Variants in CAMK4 observed in about 807,000 individuals in gnomAD.
CAMK4 encodes calcium/calmodulin-dependent protein kinase type IV.
Under a neutral mutation model 44.9 loss-of-function variants are expected in CAMK4, and 22 were observed. The ratio of observed to expected loss-of-function variants is 0.49; its 90% CI spans 0.35 to 0.70. CAMK4 has a LOEUF of 0.70. Ranked by LOEUF, CAMK4 falls within the 30% of genes least tolerant of loss-of-function variation. CAMK4 has a pLI of 0.01. For missense variants in CAMK4, 498 were observed against 586.8 expected, an observed-to-expected ratio of 0.85 and a Z score of 1.56; for synonymous variants, 218 against 215.4, an observed-to-expected ratio of 1.01 and a Z score of -0.11.
At chr5:111,430,381 C>G (rs1200580158) in intron 5 of CAMK4, among the ~76,000 whole-genome samples, 1 of 152,182 alleles carries the variant, frequency 6.6e-6, no homozygotes, top group African/African-American at 2.4e-5. Context: ...AAACTGACAG[C>G]CTTTTCTCTA....
At chr5:111,293,847 T>C (rs1051543925) in intron 1 of CAMK4, among the ~76,000 whole-genome samples, 129 of 148,096 alleles carry the variant, frequency 8.7e-4, no homozygotes, top group Admixed American at 3.7e-3. Flanking sequence ...CCCGGGTTCA[T>C]GCCATTCTCC....
At position 111,341,223 on chromosome 5, in the gene CAMK4, G is replaced by C. The variant is rs141600378; in HGVS notation, c.162-2801G>C. Among the ~76,000 whole-genome samples the C allele has an allele frequency of 1.9e-3, 280 of 151,172 alleles. 2 individuals carry two copies. The highest frequency in any genetic ancestry group is 6.1e-3 in the African/African-American group (253 of 41,392). ...TAAGTGAAGTTCAGTTTATTTACTTGTTCTTTCATTTATTGTATTTTTGAT... is the reference window on the plus strand; with the variant it reads ...TAAGTGAAGTTCAGTTTATTTACTTCTTCTTTCATTTATTGTATTTTTGAT... On this transcript the variant is annotated intron_variant, in intron 1 of 10. Coordinates refer to ENST00000282356, the MANE Select transcript of CAMK4 (RefSeq NM_001744.6).
intron 5 of CAMK4, among the ~76,000 whole-genome samples, chr5:111,402,452 A>T (rs1752262565): frequency 1.3e-5 from 2 of 152,364 alleles, no homozygotes; most frequent in Non-Finnish European, 2.9e-5. Flanking sequence ...ACAAAAATAA[A>T]TTACTGTCTG....
In CAMK4 at chr5:111,428,286, A is replaced by G. The variant is rs577484230; in HGVS notation, c.460-18400A>G. ...CAGCTACAAATAAGTCCACACGGTG[A>G]CAACTACAATAAATACCCAATCCTT... is the stretch of plus-strand genomic sequence containing the variant. On this transcript the variant is annotated intron_variant, in intron 5 of 10. Transcript: ENST00000282356. 3.8e-4 allele frequency among the ~76,000 whole-genome samples: 58 copies of G among 152,364 alleles called. 1 individual carries two copies. The highest frequency in any genetic ancestry group is 1.4e-3 in the African/African-American group (57 of 41,594).
At chr5:111,396,260 A>G (rs1212951740) in intron 5 of CAMK4, among the ~76,000 whole-genome samples, 1 of 152,114 alleles carries the variant, frequency 6.6e-6, no homozygotes, top group African/African-American at 2.4e-5. Flanking sequence ...AAGTGTTTTG[A>G]TCTTTTTGCT....
chr5:111,451,987 T>C (rs1210084705), intron 7 of CAMK4, among the ~76,000 whole-genome samples: 2 of 152,258 alleles, frequency 1.3e-5, no homozygotes, highest in African/African-American at 4.8e-5. Flanking sequence ...GTGCATTCTC[T>C]TGTACTCTTC....
chr5:111,476,265 G>GTA (rs370347370), intron 8 of CAMK4, among the ~76,000 whole-genome samples: 3,622 of 116,278 alleles, frequency 0.031, 146 homozygotes, highest in African/African-American at 0.12. Flanking sequence ...GTGTGTGTGT[G>GTA]TGTGTTTGTG....
chr5:111,328,987 C>T (rs1749030392), intron 1 of CAMK4, among the ~76,000 whole-genome samples: 1 of 151,838 alleles, frequency 6.6e-6, no homozygotes. Context: ...CAATAAAATA[C>T]TGCAAACCGA....
chr5:111,469,394 T>G (rs1254763791), intron 7 of CAMK4, among the ~76,000 whole-genome samples: 1 of 152,018 alleles, frequency 6.6e-6, no homozygotes, highest in Non-Finnish European at 1.5e-5. Flanking sequence ...TTTAACTTTT[T>G]ACATGGCAAG....
At chr5:111,265,565 G>C (rs1181387875) in intron 1 of CAMK4, among the ~76,000 whole-genome samples, 1 of 152,046 alleles carries the variant, frequency 6.6e-6, no homozygotes, top group African/African-American at 2.4e-5. Context: ...ACTTTATTAA[G>C]GCTTTATCCA....
At chr5:111,250,378 G>C (rs1381820046) in intron 1 of CAMK4, among the ~76,000 whole-genome samples, 1 of 152,146 alleles carries the variant, frequency 6.6e-6, no homozygotes, top group Non-Finnish European at 1.5e-5. Flanking sequence ...ATTCTCTACT[G>C]ACTCTTCTTA....
chr5:111,363,834 T>C (rs1750689756), intron 2 of CAMK4, among the ~76,000 whole-genome samples: 1 of 152,118 alleles, frequency 6.6e-6, no homozygotes, highest in Non-Finnish European at 1.5e-5. Context: ...AAAGAGTTTA[T>C]ACTTACTCTA....
Position 111,363,695 on chromosome 5 carries a change from C to T in CAMK4, c.241-11155C>T, listed in dbSNP as rs79054553. 4.3e-4 allele frequency among the ~76,000 whole-genome samples: 64 copies of T among 148,982 alleles called. 1 individual carries two copies. In the East Asian group the frequency reaches 9.3e-3, roughly 22 times the overall value. ...TCAATGAACCAAGTGAAAAAAGAGG[C>T]CTGATGGAAGAGGGAACAGCAAATG... is the stretch of plus-strand genomic sequence containing the variant. On this transcript the variant is annotated intron_variant, in intron 2 of 10. Transcript: ENST00000282356.
At chr5:111,225,542 G>T (rs1580447238) in intron 1 of CAMK4, among the ~76,000 whole-genome samples, 1 of 152,088 alleles carries the variant, frequency 6.6e-6, no homozygotes, top group Admixed American at 6.5e-5. Flanking sequence ...AGGCTCTTTA[G>T]TATAGGGAAT....
chr5:111,412,073 G>A (rs1752651372), intron 5 of CAMK4, among the ~76,000 whole-genome samples: 1 of 152,018 alleles, frequency 6.6e-6, no homozygotes, highest in African/African-American at 2.4e-5. Flanking sequence ...AAAGGTTACA[G>A]AAACCAAATT....
At chr5:111,366,362 G>A (rs1208812615) in intron 2 of CAMK4, among the ~76,000 whole-genome samples, 1 of 152,142 alleles carries the variant, frequency 6.6e-6, no homozygotes, top group Non-Finnish European at 1.5e-5. Context: ...GCAGTCTTTA[G>A]TTGCACAGGT....
intron 2 of CAMK4, among the ~76,000 whole-genome samples, chr5:111,344,463 A>G (rs1749789392): frequency 6.6e-6 from 1 of 151,708 alleles, no homozygotes; most frequent in Admixed American, 6.6e-5. Context: ...AATAATTTCA[A>G]TATTTAAATA....
chr5:111,406,307 C>G (rs934744717), intron 5 of CAMK4, among the ~76,000 whole-genome samples: 1 of 151,666 alleles, frequency 6.6e-6, no homozygotes, highest in African/African-American at 2.4e-5. Context: ...ACTGCAACTT[C>G]CGCCTCCCTG....
At chr5:111,433,152 G>A (rs71579150) in intron 5 of CAMK4, among the ~76,000 whole-genome samples, 16,328 of 152,172 alleles carry the variant, frequency 0.11, 977 homozygotes, top group South Asian at 0.13. Flanking sequence ...TGTTTCCCAT[G>A]TTAAAACAAC....
Sources: gnomAD v4.1 joint callset for allele counts (sites outside exome capture counted in the v4.1 genomes callset) on GRCh38, gnomAD v4.1.1 for gene constraint, MANE v1.5 for transcripts, NCBI Gene and HGNC (gene_info 2026-07-23, HGNC 2026-07-21) for gene names.